Variants in MARCHF7 observed in about 807,000 individuals in gnomAD.
The protein encoded by MARCHF7 is membrane associated ring-CH-type finger 7.
MARCHF7 carries 20 observed loss-of-function variants against 76.5 expected under a neutral mutation model. The ratio of observed to expected loss-of-function variants is 0.26; its 90% CI spans 0.18 to 0.38. The LOEUF (loss-of-function observed/expected upper bound fraction) is 0.38. Among genes scored for constraint, MARCHF7 ranks in the 10% least tolerant of loss-of-function variants. MARCHF7 has a pLI of 1.00. For missense variants in MARCHF7, 797 were observed against 812.9 expected, an observed-to-expected ratio of 0.98 and a Z score of 0.24; for synonymous variants, 295 against 293.0, an observed-to-expected ratio of 1.01 and a Z score of -0.07.
At chr2:159,762,673 G>T (rs1362435909) in intron 9 of MARCHF7, among the ~76,000 whole-genome samples, 1 of 152,012 alleles carries the variant, frequency 6.6e-6, no homozygotes, top group Non-Finnish European at 1.5e-5. Flanking sequence ...TTACACTAAA[G>T]AAGACTATGT....
At chr2:159,720,237 C>T (rs1701488112) in intron 3 of MARCHF7, among the ~76,000 whole-genome samples, 1 of 152,254 alleles carries the variant, frequency 6.6e-6, no homozygotes, top group African/African-American at 2.4e-5. Context: ...TGTTGGCCAG[C>T]CTGGTCTTGA....
chr2:159,758,827 T>A (rs542760645), intron 8 of MARCHF7, among the ~76,000 whole-genome samples: 1 of 152,314 alleles, frequency 6.6e-6, no homozygotes, highest in East Asian at 1.9e-4. Flanking sequence ...CTGGCTTGGG[T>A]GTGTAACTAG....
At chr2:159,719,351 C>T (rs561991252) in intron 3 of MARCHF7, among the ~76,000 whole-genome samples, 4 of 152,206 alleles carry the variant, frequency 2.6e-5, no homozygotes, top group African/African-American at 9.6e-5. Flanking sequence ...TTTTTCAAAA[C>T]CAACTAATCT....
rs888967783 is a variant in MARCHF7, at chr2:159,767,531, G to A, written c.*189G>A. Reference sequence around the variant, plus strand: ...AGTGTTGCTGAATTAAAATTCTGCTGGACTTTTTAACATAGCAAATCCGAT... The same window carrying A: ...AGTGTTGCTGAATTAAAATTCTGCTAGACTTTTTAACATAGCAAATCCGAT... On this transcript the variant is annotated 3_prime_UTR_variant, in exon 12 of 12. Transcript: ENST00000409175. 1.3e-5 allele frequency: 6 copies of A among 447,058 alleles called. No individual in the cohort carries two copies. Among genetic ancestry groups the A allele is most frequent in the African/African-American group, 2.1e-5 (1 of 48,596 alleles). The allele number at this position is 447,058 out of a possible 1,614,324, so 27.7% of individuals were successfully genotyped here.
At chr2:159,739,429 T>C (rs1448217194) in intron 4 of MARCHF7, among the ~76,000 whole-genome samples, 1 of 152,220 alleles carries the variant, frequency 6.6e-6, no homozygotes, top group Non-Finnish European at 1.5e-5. Context: ...CCCAAGAGTA[T>C]TGAAAACATA....
At chr2:159,761,276 G>A (rs889490520) in intron 9 of MARCHF7, among the ~76,000 whole-genome samples, 5 of 150,542 alleles carry the variant, frequency 3.3e-5, no homozygotes, top group Non-Finnish European at 5.9e-5. Context: ...CACCCGCCTC[G>A]GCCTCCCAAA....
At chr2:159,739,644 C>G (rs992557185) in intron 4 of MARCHF7, among the ~76,000 whole-genome samples, 1 of 151,948 alleles carries the variant, frequency 6.6e-6, no homozygotes, top group Non-Finnish European at 1.5e-5. Flanking sequence ...TTTAATTGTT[C>G]AAAGAATTCC....
In MARCHF7 at chr2:159,748,536, G is replaced by T. The variant is rs757329525; in HGVS notation, c.1246G>T (p.Asp416Tyr). ...TGAATCTTCAAGGATACCTACCTCT[G>T]ATACATCATCTAGATCTCATATTTT... ...RDESSRIPTS[D>Y]TSSRSHIFRR... Residue 416 changes from aspartate to tyrosine, a missense_variant, in exon 7 of 12, where the codon GAT (aspartate) becomes TAT (tyrosine). Transcript: ENST00000409175. The T allele has an allele frequency of 1.2e-6, 2 of 1,614,162 alleles. No homozygotes were observed. The highest frequency in any genetic ancestry group is 1.7e-6 in the Non-Finnish European group (2 of 1,180,018).
At position 159,717,329 on chromosome 2, in the gene MARCHF7, G is replaced by T. The variant is rs77425662; in HGVS notation, c.-15+1563G>T. 1.9e-3 allele frequency among the ~76,000 whole-genome samples: 288 copies of T among 152,236 alleles called. 1 individual carries two copies. Among genetic ancestry groups the T allele is most frequent in the Non-Finnish European group, 3.3e-3 (225 of 68,018 alleles). On this transcript the variant is annotated intron_variant, in intron 3 of 11. Coordinates refer to ENST00000409175, the MANE Select transcript of MARCHF7 (RefSeq NM_001282805.2). The stretch of plus-strand genomic sequence containing the variant: ...TAGCCATATTTTGTAATTTACCATA[G>T]GTTCTTTAGACCACTATAAGAATAG...
At chr2:159,719,275 G>A (rs1290469301) in intron 3 of MARCHF7, among the ~76,000 whole-genome samples, 2 of 151,906 alleles carry the variant, frequency 1.3e-5, no homozygotes, top group Admixed American at 6.6e-5. Context: ...TGAACTCCTC[G>A]CCTCAAGCAA....
intron 4 of MARCHF7, chr2:159,734,054 A>C (rs902317369): frequency 2.2e-6 from 3 of 1,359,314 alleles, no homozygotes; most frequent in Non-Finnish European, 2.9e-6. Context: ...ATGATTGGCA[A>C]CTATGATCAT....
chr2:159,742,945 A>C (rs1429693713), intron 4 of MARCHF7, 116 bp from the exon 5 acceptor site: 1 of 852,432 alleles, frequency 1.2e-6, no homozygotes, highest in East Asian at 2.8e-5. Flanking sequence ...TCAAAAAAAA[A>C]AAAGAACTAC....
intron 4 of MARCHF7, chr2:159,733,498 A>T (rs2125446083): frequency 1.0e-6 from 1 of 979,226 alleles, no homozygotes; most frequent in Non-Finnish European, 1.2e-6. Flanking sequence ...TCACCCTCCA[A>T]AGGTGCTGGG....
chr2:159,766,740 G>C (rs1351384503), intron 11 of MARCHF7, among the ~76,000 whole-genome samples: 1 of 152,098 alleles, frequency 6.6e-6, no homozygotes, highest in Non-Finnish European at 1.5e-5. Context: ...TTTAATTTAG[G>C]CTGTGTCTAT....
chr2:159,723,137 A>G (rs1163350226), intron 3 of MARCHF7, among the ~76,000 whole-genome samples: 4 of 152,194 alleles, frequency 2.6e-5, no homozygotes, highest in Non-Finnish European at 5.9e-5. Context: ...TAAATTGTTC[A>G]TGGGCTTTTG....
intron 4 of MARCHF7, among the ~76,000 whole-genome samples, chr2:159,742,571 A>G (rs1218956793): frequency 6.6e-6 from 1 of 152,128 alleles, no homozygotes; most frequent in African/African-American, 2.4e-5. Flanking sequence ...CTTACTCTGC[A>G]TCAGATTGAG....
Position 159,739,090 on chromosome 2 carries a change from C to T in MARCHF7, c.154-3971C>T, listed in dbSNP as rs950895139. 2.0e-5 allele frequency among the ~76,000 whole-genome samples: 3 copies of T among 152,266 alleles called. 1 individual carries two copies. Among genetic ancestry groups the T allele is most frequent in the East Asian group, 3.9e-4 (2 of 5,168 alleles). The stretch of plus-strand genomic sequence containing the variant: ...CCCAAGCTTGGCCAAAACTTTGCTC[C>T]AAAATCGGAGCAGGAGGCGGGGGCG... On this transcript the variant is annotated intron_variant, in intron 4 of 11. Transcript: ENST00000409175.
chr2:159,739,646 A>G (rs916877500), intron 4 of MARCHF7, among the ~76,000 whole-genome samples: 8 of 152,216 alleles, frequency 5.3e-5, no homozygotes, highest in Non-Finnish European at 1.2e-4. Flanking sequence ...TAATTGTTCA[A>G]AGAATTCCGA....
At chr2:159,736,213 T>A (rs1299342757) in intron 4 of MARCHF7, among the ~76,000 whole-genome samples, 2 of 152,248 alleles carry the variant, frequency 1.3e-5, no homozygotes, top group African/African-American at 4.8e-5. Flanking sequence ...TCAAACTGGC[T>A]AGATCATTTT....
Sources: gnomAD v4.1 joint callset for allele counts (sites outside exome capture counted in the v4.1 genomes callset) on GRCh38, gnomAD v4.1.1 for gene constraint, MANE v1.5 for transcripts, NCBI Gene and HGNC (gene_info 2026-07-23, HGNC 2026-07-21) for gene names.